MAPKBP1: variants seen among roughly 807,000 people sequenced by gnomAD.
The protein encoded by MAPKBP1 is mitogen-activated protein kinase-binding protein 1.
A neutral mutation model predicts 170.5 loss-of-function variants in MAPKBP1; 71 were observed. The ratio of observed to expected loss-of-function variants is 0.42; its 90% CI spans 0.34 to 0.51. The LOEUF (loss-of-function observed/expected upper bound fraction) is 0.51, where lower values mean the gene tolerates loss of function less well. MAPKBP1 is among the 20% of genes least tolerant of loss of function. The pLI is 0.06. For missense variants in MAPKBP1, 1,598 were observed against 1,933.0 expected, an observed-to-expected ratio of 0.83 and a Z score of 3.25; for synonymous variants, 719 against 757.9, an observed-to-expected ratio of 0.95 and a Z score of 0.84.
intron 5 of MAPKBP1, 196 bp downstream of exon 5, chr15:41,811,431 C>CTGAT (rs2064803962): frequency 4.2e-6 from 3 of 707,070 alleles, no homozygotes; most frequent in Non-Finnish European, 7.7e-6. Flanking sequence ...TGAAAGCACA[C>CTGAT]ATCACTAGCC....
Position 41,822,441 on chromosome 15 carries a change from C to T in MAPKBP1, c.3229+19C>T. 1 of 1,610,936 alleles carries T rather than the reference C, an allele frequency of 6.2e-7. No homozygotes were observed. Among genetic ancestry groups the T allele is most frequent in the Non-Finnish European group, 8.5e-7 (1 of 1,177,988 alleles). On this transcript the variant is annotated intron_variant, in intron 26 of 30. Transcript: ENST00000457542. The stretch of plus-strand genomic sequence containing the variant: ...GCTCCAGGTGTGGTCAGAGGGCCAG[C>T]ATTTAGTGCCTGCAATTTGCCCTTC...
intron 2 of MAPKBP1, among the ~76,000 whole-genome samples, chr15:41,781,543 TGAGGC>T (rs72090630): frequency 0.033 from 4,952 of 152,198 alleles, 129 homozygotes; most frequent in South Asian, 0.069. Context: ...CTTAGGAGGC[TGAGGC>T]GGGATGATTG....
rs199864678 is a variant in MAPKBP1, at chr15:41,821,624, C to G, written c.2759C>G (p.Ser920Cys). Residue 920 changes from serine to cysteine, a missense_variant, in exon 24 of 31, where the codon TCC (serine) becomes TGC (cysteine). Physicochemically the swap from Ser to Cys is moderately radical, Grantham distance 112. Transcript: ENST00000457542. ...PPRPQASQPC[S>C]YPHIIRLLSQ... ...CGGCCTCAGGCTTCCCAACCTTGTT[C>G]CTATCCCCATATTATCCGATTATTG... The G allele has an allele frequency of 3.9e-4, 631 of 1,614,042 alleles. 3 individuals carry two copies. In the East Asian group the frequency reaches 0.013, roughly 32 times the overall value.
At chr15:41,802,545 C>T (rs950104596) in intron 3 of MAPKBP1, among the ~76,000 whole-genome samples, 1 of 152,188 alleles carries the variant, frequency 6.6e-6, no homozygotes, top group Non-Finnish European at 1.5e-5. Flanking sequence ...ACGATCTTAG[C>T]TCACTGCAAC....
In MAPKBP1 at chr15:41,815,669, C is replaced by T. The variant is rs140264064; in HGVS notation, c.1363C>T (p.Leu455=). The change falls in exon 12 of 31, where the codon CTG becomes TTG. Residue 455 remains leucine, a synonymous_variant. Transcript: ENST00000457542. ...IYVDGNTQAL[L]DTELPGGDKA... ...TGTGGATGGGAACACCCAGGCCCTG[C>T]TGGACACAGAGCTGCCTGGAGGAGA... 39 of 1,613,960 alleles carry T rather than the reference C, an allele frequency of 2.4e-5. No individual in the cohort carries two copies. In the African/African-American group the frequency reaches 4.9e-4, roughly 20 times the overall value.
intron 2 of MAPKBP1, among the ~76,000 whole-genome samples, chr15:41,786,775 A>ATATAT (rs1402898570): frequency 1.6e-4 from 2 of 12,458 alleles, no homozygotes; most frequent in African/African-American, 4.6e-4. Flanking sequence ...AAAAAAAAAA[A>ATATAT]AAATATATAT....
Position 41,823,457 on chromosome 15 carries a change from G to A in MAPKBP1, c.3609G>A (p.Glu1203=), listed in dbSNP as rs761358125. The A allele has an allele frequency of 1.2e-6, 2 of 1,611,390 alleles. No individual in the cohort carries two copies. Among genetic ancestry groups the A allele is most frequent in the South Asian group, 2.2e-5 (2 of 90,936 alleles). The stretch of plus-strand genomic sequence containing the variant: ...CTGTCTCCTTTGCAGAAAGACATGA[G>A]GCCAGTCTGCAGGCCCCTTCACCAG... ...VHSLVPQERH[E]ASLQAPSPGA... Residue 1203 remains glutamate (E), a synonymous_variant, in exon 29 of 31, where the codon GAG becomes GAA. Transcript: ENST00000457542.
At chr15:41,808,801 A>C (rs981126095) in intron 3 of MAPKBP1, among the ~76,000 whole-genome samples, 6 of 152,114 alleles carry the variant, frequency 3.9e-5, no homozygotes, top group African/African-American at 1.2e-4. Flanking sequence ...AACCCTCCTG[A>C]CTGTGACATT....
intron 2 of MAPKBP1, among the ~76,000 whole-genome samples, chr15:41,798,513 C>G (rs1023578468): frequency 6.6e-6 from 1 of 151,962 alleles, no homozygotes; most frequent in Non-Finnish European, 1.5e-5. Context: ...AAACTTCTGA[C>G]CTCAAGTGAT....
At position 41,818,205 on chromosome 15, in the gene MAPKBP1, C is replaced by T; in HGVS notation, c.1992C>T (p.Asp664=). ...EDGTLIKVQT[D]PSGIYIATSC... is the part of the protein sequence containing the mutation. ...CTGCTACTCCTCAGGTGCAGACAGA[C>T]CCCTCAGGGATCTACATTGCCACCA... The change falls in exon 18 of 31, where the codon GAC becomes GAT. Residue 664 remains aspartate (D), a synonymous_variant. Coordinates refer to ENST00000457542, the MANE Select transcript of MAPKBP1 (RefSeq NM_014994.3). This position sits in a 1 kb window ranked among gnomAD's most constrained non-coding sequence, Gnocchi z 5.2. 6.2e-7 allele frequency: 1 copy of T among 1,613,330 alleles called. No individual in the cohort carries two copies. The highest frequency in any genetic ancestry group is 1.7e-4 in the Middle Eastern group (1 of 6,060).
rs569617438 is a variant in MAPKBP1, at chr15:41,774,952, C to A, written c.-109-215C>A. The A allele has an allele frequency of 1.5e-5, 7 of 479,226 alleles. No homozygotes were observed. The East Asian group carries it at 1.9e-4, about 13-fold the overall frequency. The allele number at this position is 479,226 out of a possible 1,614,324, so 29.7% of individuals were successfully genotyped here. On this transcript the variant is annotated intron_variant, in intron 1 of 30. Transcript: ENST00000457542. ...CATCCCATCCATCTCGCCAGTTAAA[C>A]GCCTCTGGCGGGCGTGGGCCTGGCA...
Position 41,816,966 on chromosome 15 carries a change from G to C in MAPKBP1, c.1642G>C (p.Gly548Arg), listed in dbSNP as rs757978702. The C allele has an allele frequency of 4.3e-6, 7 of 1,612,572 alleles. No homozygotes were observed. In the East Asian group the frequency reaches 1.1e-4, roughly 26 times the overall value. ...RDRLIHVLDA[G>R]REYSLQQTLD... is the part of the protein sequence containing the mutation. ...CCGGCTGATCCATGTGCTGGATGCC[G>C]GGCGGGAGTACAGCCTACAGCAGAC... The change falls in exon 14 of 31, where the codon GGG becomes CGG. Residue 548 changes from glycine (G) to arginine (R), a missense_variant. By Grantham distance (125) the Gly-to-Arg change is moderately radical. Coordinates refer to ENST00000457542, the MANE Select transcript of MAPKBP1 (RefSeq NM_014994.3).
At chr15:41,784,332 GA>G (rs2064242899) in intron 2 of MAPKBP1, among the ~76,000 whole-genome samples, 1 of 152,032 alleles carries the variant, frequency 6.6e-6, no homozygotes, top group African/African-American at 2.4e-5. Flanking sequence ...ACTGGCTAGT[GA>G]AAAGAGCTTC....
Position 41,823,522 on chromosome 15 carries a change from T to C in MAPKBP1, c.3674T>C (p.Leu1225Pro). 1.9e-6 allele frequency: 3 copies of C among 1,614,156 alleles called. No individual in the cohort carries two copies. Among genetic ancestry groups the C allele is most frequent in the Non-Finnish European group, 2.5e-6 (3 of 1,180,016 alleles). ...CGGGAGATCGAAGCTCAGGATGGTCTGGGCTCCCTGCCCCCAGCTGATGGC... is the reference window on the plus strand; with the variant it reads ...CGGGAGATCGAAGCTCAGGATGGTCCGGGCTCCCTGCCCCCAGCTGATGGC... ...LSREIEAQDG[L>P]GSLPPADGRP... Residue 1225 changes from leucine to proline, a missense_variant, in exon 29 of 31, where the codon CTG (leucine) becomes CCG (proline). Around this residue, in one of 6 missense-constraint regions of MAPKBP1, gnomAD observed 942 missense variants for 953.2 expected, o/e 0.99. Transcript: ENST00000457542.
At position 41,821,688 on chromosome 15, in the gene MAPKBP1, T is replaced by C. The variant is rs778668282; in HGVS notation, c.2823T>C (p.Pro941=). Residue 941 remains proline, a synonymous_variant, in exon 24 of 31, where the codon CCT becomes CCC. Transcript: ENST00000457542. ...EEGVFAQDLE[P]APIEDGIVYP... is the part of the protein sequence containing the mutation. ...GGGTCTTTGCCCAAGATCTGGAACC[T>C]GCACCCATTGAAGATGGTATTGTCT... 6.2e-7 allele frequency: 1 copy of C among 1,614,078 alleles called. No individual in the cohort carries two copies. Among genetic ancestry groups the C allele is most frequent in the Non-Finnish European group, 8.5e-7 (1 of 1,180,028 alleles).
intron 2 of MAPKBP1, among the ~76,000 whole-genome samples, chr15:41,777,340 CAAA>C (rs55744466): frequency 1.5e-4 from 13 of 85,180 alleles, no homozygotes; most frequent in Admixed American, 2.7e-4. Flanking sequence ...GACTCCGTCT[CAAA>C]AAAAAAAAAA....
intron 2 of MAPKBP1, among the ~76,000 whole-genome samples, chr15:41,781,238 G>A (rs1434296863): frequency 4.6e-5 from 7 of 151,824 alleles, no homozygotes; most frequent in Non-Finnish European, 7.4e-5. Context: ...ACCATGCCTG[G>A]CTACTTTTTG....
rs1339032205 is a variant in MAPKBP1, at chr15:41,784,559, G to A, written c.114+9170G>A. Among the ~76,000 whole-genome samples, 5 of 152,054 alleles carry A rather than the reference G, an allele frequency of 3.3e-5. No homozygotes were observed. In the East Asian group the frequency reaches 7.7e-4, roughly 24 times the overall value. On this transcript the variant is annotated intron_variant, in intron 2 of 30. Transcript: ENST00000457542. Reference sequence around the variant, plus strand: ...AGCACTTTGGGAGGCCGAGGCGGGTGGATCACAAGGTCAAGAGATCTAGAC... The same window carrying A: ...AGCACTTTGGGAGGCCGAGGCGGGTAGATCACAAGGTCAAGAGATCTAGAC...
chr15:41,825,695 T>C lies in MAPKBP1; in HGVS notation c.*259T>C. 2.4e-6 allele frequency: 1 copy of C among 415,766 alleles called. No individual in the cohort carries two copies. Among genetic ancestry groups the C allele is most frequent in the South Asian group, 4.2e-5 (1 of 23,640 alleles). 25.8% of individuals were successfully genotyped at this position (415,766 alleles called of 1,614,324 possible). On this transcript the variant is annotated 3_prime_UTR_variant, in exon 31 of 31. Coordinates refer to ENST00000457542, the MANE Select transcript of MAPKBP1 (RefSeq NM_014994.3). The stretch of plus-strand genomic sequence containing the variant: ...GGACAGGTCTTGGGTCTTTGTCATC[T>C]TGGTGCTGTGAGAGGTAGGAGGGCA...
Sources: allele counts gnomAD v4.1 joint callset (sites outside exome capture counted in the v4.1 genomes callset), GRCh38; gene constraint gnomAD v4.1.1; regional missense constraint gnomAD v4.1.1; non-coding constraint Gnocchi (gnomAD v3.1); transcripts MANE v1.5; gene names NCBI Gene and HGNC (gene_info 2026-07-23, HGNC 2026-07-21).